The following LBR variants were observed in gnomAD, a reference collection of about 807,000 sequenced individuals.
LBR encodes delta(14)-sterol reductase LBR.
A neutral mutation model predicts 74.3 loss-of-function variants in LBR; 28 were observed. That is an observed-to-expected ratio of 0.38 (90% confidence interval 0.28 to 0.52). LBR has a LOEUF of 0.52. Among genes scored for constraint, LBR ranks in the 20% least tolerant of loss-of-function variants. The pLI, the probability that LBR is intolerant of heterozygous loss-of-function variation, is 0.89. For missense variants in LBR, 717 were observed against 760.3 expected, an observed-to-expected ratio of 0.94 and a Z score of 0.67; for synonymous variants, 228 against 269.3, an observed-to-expected ratio of 0.85 and a Z score of 1.50.
In LBR at chr1:225,406,743, G is replaced by A. The variant is rs906003572; in HGVS notation, c.1404C>T (p.Tyr468=). The A allele has an allele frequency of 3.1e-6, 5 of 1,614,112 alleles. No individual in the cohort carries two copies. Among genetic ancestry groups the A allele is most frequent in the Non-Finnish European group, 4.2e-6 (5 of 1,179,966 alleles). ...FGDLVWVPFI[Y]SFQAFYLVSH... ...TGACTAAATAAAAGGCTTGGAAGCTGTAAATAAAGGGAACCCACACCAAGT... is the reference window on the plus strand; with the variant it reads ...TGACTAAATAAAAGGCTTGGAAGCTATAAATAAAGGGAACCCACACCAAGT... The change falls in exon 11 of 14, where the codon TAC becomes TAT. Residue 468 remains tyrosine, a synonymous_variant. Transcript: ENST00000272163.
Position 225,412,649 on chromosome 1 carries a change from T to TAAAAAAAAAA in LBR, c.893-14_893-5dup. On this transcript the variant is annotated splice_region_variant and splice_polypyrimidine_tract_variant and intron_variant, in intron 7 of 13. Coordinates refer to ENST00000272163, the MANE Select transcript of LBR (RefSeq NM_002296.4). Reference sequence around the variant, plus strand: ...GTCAGGATAAAAGCATAGAATCCTTTAAAAAAAAAAAAAAAAGGAAGTGGA... The same window carrying TAAAAAAAAAA: ...GTCAGGATAAAAGCATAGAATCCTTTAAAAAAAAAAAAAAAAAAAAAAAAAAGGAAGTGGA... 1.4e-6 allele frequency: 2 copies of TAAAAAAAAAA among 1,406,568 alleles called. No homozygotes were observed. Among genetic ancestry groups the TAAAAAAAAAA allele is most frequent in the African/African-American group, 1.6e-5 (1 of 63,934 alleles). The allele number at this position is 1,406,568 out of a possible 1,614,324, so 87.1% of individuals were successfully genotyped here.
chr1:225,413,292 A>T (rs2096110113), intron 7 of LBR, among the ~76,000 whole-genome samples: 1 of 152,214 alleles, frequency 6.6e-6, no homozygotes, highest in African/African-American at 2.4e-5. Flanking sequence ...TGCAATGCCA[A>T]GTTAAAAAGC....
rs989833855 is a variant in LBR at position 225,418,036 on chromosome 1, T to G, written c.785A>C (p.Tyr262Ser). Reference sequence around the variant, plus strand: ...GACTTGAATCAAAAACCACAGGAGGTAGACCCCAAATACTCTGGTTTCCCA... The same window carrying G: ...GACTTGAATCAAAAACCACAGGAGGGAGACCCCAAATACTCTGGTTTCCCA... ...ELWETRVFGVYLLWFLIQVLF... is the reference protein window; with the variant it reads ...ELWETRVFGVSLLWFLIQVLF... The change falls in exon 6 of 14, where the codon TAC becomes TCC. Residue 262 changes from tyrosine (Y) to serine (S), a missense_variant. By Grantham distance (144) the Tyr-to-Ser change is moderately radical. Coordinates refer to ENST00000272163, the MANE Select transcript of LBR (RefSeq NM_002296.4). 1.2e-6 allele frequency: 2 copies of G among 1,614,088 alleles called. No homozygotes were observed. The highest frequency in any genetic ancestry group is 8.5e-7 in the Non-Finnish European group (1 of 1,180,008).
intron 1 of LBR, 176 bp downstream of exon 1, chr1:225,427,778 G>A (rs895143337): frequency 4.1e-4 from 62 of 152,740 alleles, no homozygotes; most frequent in African/African-American, 1.5e-3. Flanking sequence ...GGCCAGAAAA[G>A]GCGAGGAGGG....
chr1:225,402,717 G>A lies in LBR; in HGVS notation c.*586C>T, dbSNP rs1200620544. On this transcript the variant is annotated 3_prime_UTR_variant, in exon 14 of 14. Transcript: ENST00000272163. ...TATTTACATTTTCAATGTAGTTTTA[G>A]AAGTTGAGGTTAAGCCAACTGCTAC... is the stretch of plus-strand genomic sequence containing the variant. 4 of 152,666 alleles carry A rather than the reference G, an allele frequency of 2.6e-5. No homozygotes were observed. The highest frequency in any genetic ancestry group is 4.8e-5 in the African/African-American group (2 of 41,442). 9.5% of individuals were successfully genotyped at this position (152,666 alleles called of 1,614,324 possible). A position where few individuals can be genotyped will look rare whatever the true frequency, so the allele number is the denominator to read the frequency against.
rs1423130527 is a variant in LBR, at chr1:225,401,746, G to A, written c.*1557C>T. 1.3e-5 allele frequency: 2 copies of A among 152,036 alleles called. No individual in the cohort carries two copies. The highest frequency in any genetic ancestry group is 1.3e-4 in the Admixed American group (2 of 15,262). The allele number at this position is 152,036 out of a possible 1,614,324, so 9.4% of individuals were successfully genotyped here. ...ACCACTTTCTGATGCCAGGAGAAAAGCAAAATAAAAAAACTGCTTGCACAC... is the reference window on the plus strand; with the variant it reads ...ACCACTTTCTGATGCCAGGAGAAAAACAAAATAAAAAAACTGCTTGCACAC... On this transcript the variant is annotated 3_prime_UTR_variant, in exon 14 of 14. Coordinates refer to ENST00000272163, the MANE Select transcript of LBR (RefSeq NM_002296.4).
intron 9 of LBR, among the ~76,000 whole-genome samples, 179 bp from the exon 10 acceptor site, chr1:225,410,595 G>C (rs1428478233): frequency 6.6e-6 from 1 of 152,200 alleles, no homozygotes; most frequent in Non-Finnish European, 1.5e-5. Context: ...CACTGAGAAG[G>C]ACACAGCTAT....
At chr1:225,411,536 A>G in intron 8 of LBR, 96 bp from the exon 9 acceptor site, 1 of 879,098 alleles carries the variant, frequency 1.1e-6, no homozygotes. Context: ...TCACAATTCC[A>G]CTGCCTGCAA....
At chr1:225,412,722 A>G in intron 7 of LBR, 77 bp from the exon 8 acceptor site, 1 of 1,253,522 alleles carries the variant, frequency 8.0e-7, no homozygotes, top group Non-Finnish European at 1.1e-6. Flanking sequence ...CCACTATGAA[A>G]CAATGCAATG....
intron 5 of LBR, 98 bp from the exon 6 acceptor site, chr1:225,418,278 GCTAA>G (rs779722542): frequency 5.5e-5 from 72 of 1,319,746 alleles, no homozygotes; most frequent in African/African-American, 1.3e-4. Flanking sequence ...TCGTTATCTG[GCTAA>G]CTGTCTGAAA....
chr1:225,409,486 A>G (rs1042593066), intron 10 of LBR, among the ~76,000 whole-genome samples: 2 of 152,238 alleles, frequency 1.3e-5, no homozygotes, highest in Admixed American at 1.3e-4. Flanking sequence ...TTCCAGGCTC[A>G]AAGAGAAAAG....
rs2096128878 is a variant in LBR at position 225,422,224 on chromosome 1, G to A, written c.219C>T (p.Ser73=). The part of the protein sequence containing the change: ...RKGGSTSSSP[S]RRRGSRSRSR... ...ACCTTGATCGACTCCCTCGGCGTCT[G>A]GAAGGGGAACTGGAAGTTGAGCCAC... Residue 73 remains serine, a synonymous_variant, in exon 3 of 14, where the codon TCC becomes TCT. Coordinates refer to ENST00000272163, the MANE Select transcript of LBR (RefSeq NM_002296.4). The A allele has an allele frequency of 5.0e-6, 8 of 1,613,944 alleles. No homozygotes were observed. Among genetic ancestry groups the A allele is most frequent in the Non-Finnish European group, 5.9e-6 (7 of 1,180,032 alleles).
chr1:225,404,597 AT>A (rs760145766), intron 12 of LBR, 28 bp downstream of exon 12: 2 of 1,568,842 alleles, frequency 1.3e-6, no homozygotes, highest in South Asian at 2.3e-5. Flanking sequence ...CATGTAATAT[AT>A]ATAATATAAA....
At chr1:225,424,145 T>C in intron 1 of LBR, 56 bp from the exon 2 acceptor site, 2 of 1,292,818 alleles carry the variant, frequency 1.5e-6, no homozygotes, top group Non-Finnish European at 2.3e-6. Context: ...TATGTATTCG[T>C]CTTTTTCCAC....
chr1:225,405,153 T>C (rs2096088812), intron 11 of LBR, among the ~76,000 whole-genome samples: 1 of 152,212 alleles, frequency 6.6e-6, no homozygotes, highest in African/African-American at 2.4e-5. Context: ...GGCACAAACA[T>C]TTTATTATCA....
intron 8 of LBR, among the ~76,000 whole-genome samples, chr1:225,412,056 C>T (rs1253326846): frequency 3.3e-5 from 5 of 152,204 alleles, no homozygotes; most frequent in African/African-American, 7.2e-5. Flanking sequence ...GTGATCCACC[C>T]GCCTTGGCCT....
In LBR at chr1:225,404,698, A is replaced by G; in HGVS notation, c.1492T>C (p.Tyr498His). 1 of 1,606,026 alleles carries G rather than the reference A, an allele frequency of 6.2e-7. No homozygotes were observed. The highest frequency in any genetic ancestry group is 1.1e-5 in the South Asian group (1 of 90,848). The change falls in exon 12 of 14, where the codon TAT becomes CAT. Residue 498 changes from tyrosine to histidine, a missense_variant. Tyr to His is a moderately conservative substitution (Grantham distance 83). Transcript: ENST00000272163. Reference protein sequence around the residue: ...SLIIVLKLCGYVIFRGANSQK... With the variant: ...SLIIVLKLCGHVIFRGANSQK... ...GAATTTGCACCTCGGAAGATTACAT[A>G]ACCACAAACTGCAATTTTAAAATAT...
At chr1:225,419,048 A>G (rs545376777) in intron 5 of LBR, among the ~76,000 whole-genome samples, 4 of 152,330 alleles carry the variant, frequency 2.6e-5, no homozygotes, top group African/African-American at 9.6e-5. Context: ...CACAGCTACA[A>G]TGGCATCCTT....
At chr1:225,421,337 C>T (rs1216844266) in intron 3 of LBR, among the ~76,000 whole-genome samples, 1 of 152,084 alleles carries the variant, frequency 6.6e-6, no homozygotes, top group East Asian at 1.9e-4. Flanking sequence ...ACTAAAAATA[C>T]AAAAAATCAG....
Sources: gnomAD v4.1 joint callset for allele counts (sites outside exome capture counted in the v4.1 genomes callset) on GRCh38, gnomAD v4.1.1 for gene constraint, MANE v1.5 for transcripts, NCBI Gene and HGNC (gene_info 2026-07-23, HGNC 2026-07-21) for gene names.